RGS9BP: variants seen among roughly 807,000 people sequenced by gnomAD.
RGS9BP encodes the protein regulator of G protein signaling 9 binding protein.
A neutral mutation model predicts 3.8 loss-of-function variants in RGS9BP; 1 was observed. The observed-to-expected ratio is 0.26, with a 90% CI of 0.09 to 1.24. The LOEUF (loss-of-function observed/expected upper bound fraction) is 1.24, where lower values mean the gene tolerates loss of function less well. RGS9BP is among the 50% of genes most tolerant of loss of function. The pLI, the probability that RGS9BP is intolerant of heterozygous loss-of-function variation, is 0.48. For missense variants in RGS9BP, 363 were observed against 344.3 expected (o/e 1.05, Z -0.43); for synonymous variants, 200 against 177.8 (o/e 1.13, Z -1.00).
In RGS9BP at chr19:32,676,470, C is replaced by T. The variant is rs375089183; in HGVS notation, c.207C>T (p.Ala69=). 19 of 1,560,718 alleles carry T rather than the reference C, an allele frequency of 1.2e-5. No homozygotes were observed. In the African/African-American group the frequency reaches 2.3e-4, roughly 19 times the overall value. Reference sequence around the variant, plus strand: ...TGCTGCGCGACCGGGGCCTGGCCGCCGACGAGCGCGCCGAGTTCGAGCGGC... The same window carrying T: ...TGCTGCGCGACCGGGGCCTGGCCGCTGACGAGCGCGCCGAGTTCGAGCGGC... The part of the protein sequence containing the change: ...TAVLRDRGLA[A]DERAEFERLW... The change falls in exon 1 of 1, where the codon GCC becomes GCT. Residue 69 remains alanine, a synonymous_variant. Transcript: ENST00000334176.
At position 32,676,004 on chromosome 19, in the gene RGS9BP, C is replaced by G. The variant is rs1024913872; in HGVS notation, c.-260C>G. 3.6e-5 allele frequency: 17 copies of G among 476,646 alleles called. No homozygotes were observed. Among genetic ancestry groups the G allele is most frequent in the Non-Finnish European group, 5.2e-5 (14 of 270,014 alleles). The allele number at this position is 476,646 out of a possible 1,614,324, so 29.5% of individuals were successfully genotyped here. ...CGGTGCAGAGACACGACGTGTGACT[C>G]GGAGTGCGCCTGGGGAGGATGGACG... On this transcript the variant is annotated 5_prime_UTR_variant, in exon 1 of 1. Coordinates refer to ENST00000334176, the MANE Select transcript of RGS9BP (RefSeq NM_207391.3).
chr19:32,676,826 C>G lies in RGS9BP; in HGVS notation c.563C>G (p.Thr188Arg). Residue 188 changes from threonine to arginine, a missense_variant, in exon 1 of 1, where the codon ACG becomes AGG. Thr to Arg is a moderately conservative substitution (Grantham distance 71). Transcript: ENST00000334176. ...RQAAGAELLS[T>R]VSAGPSSVVS... ...GCGGCGGGCGCCGAGCTCCTGTCCA[C>G]GGTCAGCGCCGGCCCCTCCTCGGTC... The G allele has an allele frequency of 2.5e-6, 4 of 1,584,414 alleles. No individual in the cohort carries two copies.
rs1209608953 is a variant in RGS9BP, at chr19:32,676,432, C to A, written c.169C>A (p.Arg57=). 6.3e-7 allele frequency: 1 copy of A among 1,594,032 alleles called. No individual in the cohort carries two copies. Among genetic ancestry groups the A allele is most frequent in the Non-Finnish European group, 8.5e-7 (1 of 1,174,650 alleles). ...AQELAVSTCA[R]LTAVLRDRGL... is the part of the protein sequence containing the mutation. ...GGAGCTGGCGGTGTCCACCTGCGCC[C>A]GGCTGACTGCTGTGCTGCGCGACCG... is the stretch of plus-strand genomic sequence containing the variant. The change falls in exon 1 of 1, where the codon CGG becomes AGG. Residue 57 remains arginine, a synonymous_variant. Transcript: ENST00000334176.
In RGS9BP at chr19:32,678,229, A is replaced by T. The variant is rs907410625; in HGVS notation, c.*1258A>T. 1 of 166,592 alleles carries T rather than the reference A, an allele frequency of 6.0e-6. No homozygotes were observed. The highest frequency in any genetic ancestry group is 1.5e-5 in the Non-Finnish European group (1 of 68,084). 10.3% of individuals were successfully genotyped at this position (166,592 alleles called of 1,614,324 possible). A position where few individuals can be genotyped will look rare whatever the true frequency, so the allele number is the denominator to read the frequency against. On this transcript the variant is annotated 3_prime_UTR_variant, in exon 1 of 1. Coordinates refer to ENST00000334176, the MANE Select transcript of RGS9BP (RefSeq NM_207391.3). Reference sequence around the variant, plus strand: ...TCTTTATGTAGATACTTAGATTACTAAATATATATTTCATCTACTTCTGAA... The same window carrying T: ...TCTTTATGTAGATACTTAGATTACTTAATATATATTTCATCTACTTCTGAA...
In RGS9BP at chr19:32,677,220, T is replaced by C. The variant is rs910004360; in HGVS notation, c.*249T>C. On this transcript the variant is annotated 3_prime_UTR_variant, in exon 1 of 1. Transcript: ENST00000334176. ...CTGCAGGAGCTTTATTCCCTATTAATAGAAAACCGTCACAGTGACCCTAGA... is the reference window on the plus strand; with the variant it reads ...CTGCAGGAGCTTTATTCCCTATTAACAGAAAACCGTCACAGTGACCCTAGA... The C allele has an allele frequency of 1.7e-5, 10 of 576,204 alleles. No homozygotes were observed. The highest frequency in any genetic ancestry group is 3.0e-5 in the Admixed American group (1 of 32,868). The allele number at this position is 576,204 out of a possible 1,614,324, so 35.7% of individuals were successfully genotyped here.
rs1321423167 is a variant in RGS9BP, at chr19:32,676,408, G to A, written c.145G>A (p.Glu49Lys). 1 of 1,605,942 alleles carries A rather than the reference G, an allele frequency of 6.2e-7. No individual in the cohort carries two copies. Among genetic ancestry groups the A allele is most frequent in the Non-Finnish European group, 8.5e-7 (1 of 1,178,450 alleles). Residue 49 changes from glutamate to lysine, a missense_variant, in exon 1 of 1, where the codon GAG (glutamate) becomes AAG (lysine). Physicochemically the swap from Glu to Lys is moderately conservative, Grantham distance 56. Coordinates refer to ENST00000334176, the MANE Select transcript of RGS9BP (RefSeq NM_207391.3). ...ELQKTRQKAQ[E>K]LAVSTCARLT... ...GCAAAAGACGCGCCAGAAGGCGCAG[G>A]AGCTGGCGGTGTCCACCTGCGCCCG...
rs1662690024 is a variant in RGS9BP, at chr19:32,676,615, G to A, written c.352G>A (p.Ala118Thr). ...GCGGCCGCTGGTGCGCACAGGTGTGGCTGGCGCCTCCTCCGGCGTGGCGGC... is the reference window on the plus strand; with the variant it reads ...GCGGCCGCTGGTGCGCACAGGTGTGACTGGCGCCTCCTCCGGCGTGGCGGC... ...PRRPLVRTGV[A>T]GASSGVAARA... is the part of the protein sequence containing the mutation. Residue 118 changes from alanine to threonine, a missense_variant, in exon 1 of 1, where the codon GCT (alanine) becomes ACT (threonine). Ala to Thr is a moderately conservative substitution (Grantham distance 58). Coordinates refer to ENST00000334176, the MANE Select transcript of RGS9BP (RefSeq NM_207391.3). The A allele has an allele frequency of 3.3e-6, 5 of 1,527,506 alleles. No homozygotes were observed. Among genetic ancestry groups the A allele is most frequent in the Admixed American group, 4.0e-5 (2 of 50,606 alleles). The allele number at this position is 1,527,506 out of a possible 1,614,324, so 94.6% of individuals were successfully genotyped here.
Position 32,676,980 on chromosome 19 carries a change from C to T in RGS9BP, c.*9C>T, listed in dbSNP as rs759152893. Reference sequence around the variant, plus strand: ...TGGCGAAGCTGAGCTGACGGACACCCGACGGCCGCCTGCTGCTGCCGCTCC... The same window carrying T: ...TGGCGAAGCTGAGCTGACGGACACCTGACGGCCGCCTGCTGCTGCCGCTCC... On this transcript the variant is annotated 3_prime_UTR_variant, in exon 1 of 1. Transcript: ENST00000334176. The T allele has an allele frequency of 6.3e-7, 1 of 1,591,840 alleles. No individual in the cohort carries two copies. Among genetic ancestry groups the T allele is most frequent in the Admixed American group, 1.8e-5 (1 of 57,066 alleles).
Position 32,677,966 on chromosome 19 carries a change from CG to C in RGS9BP, c.*996del, listed in dbSNP as rs1336667226. On this transcript the variant is annotated 3_prime_UTR_variant, in exon 1 of 1. Transcript: ENST00000334176. ...CTGGCTTTGGCAGCTCCCTGACCCC[CG>C]CGCTGCCCGCCCCTCCGGGGTAATG... 1.8e-5 allele frequency: 3 copies of C among 167,192 alleles called. No homozygotes were observed. The highest frequency in any genetic ancestry group is 2.9e-5 in the Non-Finnish European group (2 of 68,186). The allele number at this position is 167,192 out of a possible 1,614,324, so 10.4% of individuals were successfully genotyped here. A position where few individuals can be genotyped will look rare whatever the true frequency, so the allele number is the denominator to read the frequency against.
Position 32,676,557 on chromosome 19 carries a change from G to C in RGS9BP, c.294G>C (p.Glu98Asp), listed in dbSNP as rs1490951892. The stretch of plus-strand genomic sequence containing the variant: ...AAGCGGACATGCGACGCGCGCTGGA[G>C]CTGGGCGCCGCGTTCCCGCTGCACG... ...LLEADMRRAL[E>D]LGAAFPLHAP... The change falls in exon 1 of 1, where the codon GAG becomes GAC. Residue 98 changes from glutamate (E) to aspartate (D), a missense_variant. Glu to Asp is a conservative substitution (Grantham distance 45). Transcript: ENST00000334176. 7.0e-7 allele frequency: 1 copy of C among 1,435,382 alleles called. No homozygotes were observed. Among genetic ancestry groups the C allele is most frequent in the Non-Finnish European group, 9.0e-7 (1 of 1,105,726 alleles). The allele number at this position is 1,435,382 out of a possible 1,614,324, so 88.9% of individuals were successfully genotyped here.
At position 32,676,925 on chromosome 19, in the gene RGS9BP, T is replaced by A. The variant is rs1302701781; in HGVS notation, c.662T>A (p.Leu221Gln). ...GCCGCCATCCTTTTCGGCGCCGTGC[T>A]GCTGGCGGCTGTGGCCCTAGCCGTG... is the stretch of plus-strand genomic sequence containing the variant. ...ALAAILFGAVLLAAVALAVCV... is the reference protein window; with the variant it reads ...ALAAILFGAVQLAAVALAVCV... The change falls in exon 1 of 1, where the codon CTG becomes CAG. Residue 221 changes from leucine to glutamine, a missense_variant. Transcript: ENST00000334176. 5 of 1,602,228 alleles carry A rather than the reference T, an allele frequency of 3.1e-6. No homozygotes were observed.
At position 32,676,577 on chromosome 19, in the gene RGS9BP, T is replaced by C. The variant is rs1457407924; in HGVS notation, c.314T>C (p.Leu105Pro). The C allele has an allele frequency of 1.4e-6, 2 of 1,405,166 alleles. No homozygotes were observed. Among genetic ancestry groups the C allele is most frequent in the African/African-American group, 1.5e-5 (1 of 65,786 alleles). The allele number at this position is 1,405,166 out of a possible 1,614,324, so 87.0% of individuals were successfully genotyped here. ...RALELGAAFPLHAPRRPLVRT... is the reference protein window; with the variant it reads ...RALELGAAFPPHAPRRPLVRT... ...CTGGAGCTGGGCGCCGCGTTCCCGCTGCACGCGCCGCGGCGGCCGCTGGTG... is the reference window on the plus strand; with the variant it reads ...CTGGAGCTGGGCGCCGCGTTCCCGCCGCACGCGCCGCGGCGGCCGCTGGTG... Residue 105 changes from leucine (L) to proline (P), a missense_variant, in exon 1 of 1, where the codon CTG becomes CCG. By Grantham distance (98) the Leu-to-Pro change is moderately conservative. Coordinates refer to ENST00000334176, the MANE Select transcript of RGS9BP (RefSeq NM_207391.3).
chr19:32,678,257 T>G lies in RGS9BP; in HGVS notation c.*1286T>G, dbSNP rs1220238924. 2 of 156,602 alleles carry G rather than the reference T, an allele frequency of 1.3e-5. No individual in the cohort carries two copies. The highest frequency in any genetic ancestry group is 2.7e-5 in the African/African-American group (1 of 37,178). The allele number at this position is 156,602 out of a possible 1,614,324, so 9.7% of individuals were successfully genotyped here. A position where few individuals can be genotyped will look rare whatever the true frequency, so the allele number is the denominator to read the frequency against. Reference sequence around the variant, plus strand: ...TATATATTTCATCTACTTCTGAAGTTGATAGTCTTCCCCCCCCCCCACTTT... The same window carrying G: ...TATATATTTCATCTACTTCTGAAGTGGATAGTCTTCCCCCCCCCCCACTTT... On this transcript the variant is annotated 3_prime_UTR_variant, in exon 1 of 1. Transcript: ENST00000334176.
In RGS9BP at chr19:32,676,501, G is replaced by T; in HGVS notation, c.238G>T (p.Val80Leu). 1 of 1,539,074 alleles carries T rather than the reference G, an allele frequency of 6.5e-7. No individual in the cohort carries two copies. Among genetic ancestry groups the T allele is most frequent in the Non-Finnish European group, 8.7e-7 (1 of 1,149,592 alleles). Residue 80 changes from valine to leucine, a missense_variant, in exon 1 of 1, where the codon GTG becomes TTG. Physicochemically the swap from Val to Leu is conservative, Grantham distance 32. Coordinates refer to ENST00000334176, the MANE Select transcript of RGS9BP (RefSeq NM_207391.3). ...DERAEFERLW[V>L]AFSGCLDLLE... ...GCGCGCCGAGTTCGAGCGGCTCTGG[G>T]TGGCCTTCTCGGGCTGCCTGGACCT...
At position 32,677,102 on chromosome 19, in the gene RGS9BP, C is replaced by A; in HGVS notation, c.*131C>A. The A allele has an allele frequency of 1.3e-6, 1 of 786,744 alleles. No homozygotes were observed. The highest frequency in any genetic ancestry group is 2.2e-6 in the Non-Finnish European group (1 of 459,934). The allele number at this position is 786,744 out of a possible 1,614,324, so 48.7% of individuals were successfully genotyped here. On this transcript the variant is annotated 3_prime_UTR_variant, in exon 1 of 1. Transcript: ENST00000334176. ...GTGTGCATGGGTACACGCGCGTTTC[C>A]AGTGCACATCTGCCTGGGCAGGACA...
rs368807546 is a variant in RGS9BP at position 32,676,954 on chromosome 19, G to A, written c.691G>A (p.Val231Met). 71 of 1,603,326 alleles carry A rather than the reference G, an allele frequency of 4.4e-5. No individual in the cohort carries two copies. The African/African-American group carries it at 8.8e-4, about 20-fold the overall frequency. The change falls in exon 1 of 1, where the codon GTG becomes ATG. Residue 231 changes from valine (V) to methionine (M), a missense_variant. Val to Met is a conservative substitution (Grantham distance 21). Coordinates refer to ENST00000334176, the MANE Select transcript of RGS9BP (RefSeq NM_207391.3). ...GGCGGCTGTGGCCCTAGCCGTGTGC[G>A]TGGCGAAGCTGAGCTGACGGACACC... ...LLAAVALAVC[V>M]AKLS
rs1445161492 is a variant in RGS9BP, at chr19:32,677,010, C to G, written c.*39C>G. The stretch of plus-strand genomic sequence containing the variant: ...GCCGCCTGCTGCTGCCGCTCCCTCC[C>G]CTGAGAAAAGACTCGGGATGGGTGT... On this transcript the variant is annotated 3_prime_UTR_variant, in exon 1 of 1. Transcript: ENST00000334176. The G allele has an allele frequency of 6.5e-7, 1 of 1,548,894 alleles. No homozygotes were observed. The highest frequency in any genetic ancestry group is 1.9e-5 in the Admixed American group (1 of 53,560).
Position 32,676,655 on chromosome 19 carries a change from C to T in RGS9BP, c.392C>T (p.Thr131Ile), listed in dbSNP as rs753492243. The T allele has an allele frequency of 2.6e-6, 4 of 1,533,790 alleles. No homozygotes were observed. Among genetic ancestry groups the T allele is most frequent in the African/African-American group, 2.7e-5 (2 of 72,916 alleles). The change falls in exon 1 of 1, where the codon ACC (threonine) becomes ATC (isoleucine). Residue 131 changes from threonine (T) to isoleucine (I), a missense_variant. Coordinates refer to ENST00000334176, the MANE Select transcript of RGS9BP (RefSeq NM_207391.3). Reference protein sequence around the residue: ...SSGVAARALSTRSLRLEAEGD... With the variant: ...SSGVAARALSIRSLRLEAEGD... ...GGCGTGGCGGCGCGCGCGCTGAGCA[C>T]CCGCAGCCTGCGGCTCGAGGCGGAG...
chr19:32,676,364 A>C lies in RGS9BP; in HGVS notation c.101A>C (p.Gln34Pro). The change falls in exon 1 of 1, where the codon CAG becomes CCG. Residue 34 changes from glutamine to proline, a missense_variant. By Grantham distance (76) the Gln-to-Pro change is moderately conservative. Transcript: ENST00000334176. Reference sequence around the variant, plus strand: ...ACCGTCGGTGGCTCGGCGGACTCGCAGAACCTGCGGCAGGAGCTGCAAAAG... The same window carrying C: ...ACCGTCGGTGGCTCGGCGGACTCGCCGAACCTGCGGCAGGAGCTGCAAAAG... ...VLTVGGSADSQNLRQELQKTR... is the reference protein window; with the variant it reads ...VLTVGGSADSPNLRQELQKTR... The C allele has an allele frequency of 3.1e-6, 5 of 1,611,492 alleles. No individual in the cohort carries two copies. The highest frequency in any genetic ancestry group is 1.1e-5 in the South Asian group (1 of 90,968).
Sources: allele counts gnomAD v4.1 joint callset, GRCh38; gene constraint gnomAD v4.1.1; transcripts MANE v1.5; gene names NCBI Gene and HGNC (gene_info 2026-07-23, HGNC 2026-07-21).